The following KLF12 variants were observed in gnomAD, a reference collection of about 807,000 sequenced individuals.
The protein encoded by KLF12 is KLF transcription factor 12, also known as Krueppel-like factor 12.
KLF12 carries 9 observed loss-of-function variants against 37.8 expected under a neutral mutation model. The ratio of observed to expected loss-of-function variants is 0.24; its 90% CI spans 0.14 to 0.42. The LOEUF (loss-of-function observed/expected upper bound fraction) is 0.42. Among genes scored for constraint, KLF12 ranks in the 10% least tolerant of loss-of-function variants. KLF12 has a pLI of 1.00. For synonymous variants in KLF12, 208 were observed against 202.1 expected (o/e 1.03, Z -0.25); for missense variants, 411 against 516.0 (o/e 0.80, Z 1.97).
chr13:74,019,785 T>C (rs1173206932), intron 1 of KLF12, among the ~76,000 whole-genome samples: 2 of 152,226 alleles, frequency 1.3e-5, no homozygotes, highest in Non-Finnish European at 1.5e-5. Flanking sequence ...AGCCCCCTGG[T>C]CTTTTCTTTC....
the KLF12 span, among the ~76,000 whole-genome samples, chr13:74,189,078 T>C: frequency 6.6e-6 from 1 of 152,158 alleles, no homozygotes; most frequent in Non-Finnish European, 1.5e-5. Flanking sequence ...CTCCTGTGCC[T>C]CATGAATATG....
chr13:74,051,736 A>T (rs1439668770), intron 1 of KLF12, among the ~76,000 whole-genome samples: 1 of 152,202 alleles, frequency 6.6e-6, no homozygotes, highest in Non-Finnish European at 1.5e-5. Flanking sequence ...TCAAGTAAAA[A>T]GGAAAGGGAA....
chr13:73,797,411 C>G (rs1387800209), intron 5 of KLF12, among the ~76,000 whole-genome samples: 1 of 152,162 alleles, frequency 6.6e-6, no homozygotes, highest in South Asian at 2.1e-4. Flanking sequence ...ACTATCAATT[C>G]TTCCTTTAAA....
intron 3 of KLF12, among the ~76,000 whole-genome samples, chr13:73,858,894 T>C (rs1194910233): frequency 6.6e-6 from 1 of 152,182 alleles, no homozygotes; most frequent in South Asian, 2.1e-4. Context: ...ACTGAAAAAG[T>C]AAATGTTCAA....
chr13:73,827,961 T>C (rs1883940854), intron 4 of KLF12, among the ~76,000 whole-genome samples: 1 of 152,216 alleles, frequency 6.6e-6, no homozygotes, highest in Admixed American at 6.5e-5. Flanking sequence ...TTCTAAGCTC[T>C]CCTTTCCTTT....
the KLF12 span, among the ~76,000 whole-genome samples, chr13:74,199,089 C>T: frequency 2.0e-5 from 3 of 152,228 alleles, no homozygotes; most frequent in African/African-American, 7.2e-5. Context: ...TTCATTCTCA[C>T]AGGACAGCCA....
chr13:74,295,154 G>A, the KLF12 span, among the ~76,000 whole-genome samples: 4 of 152,194 alleles, frequency 2.6e-5, no homozygotes, highest in African/African-American at 4.8e-5. Flanking sequence ...TGATTTAGAT[G>A]GAGGACTGTA....
At chr13:74,055,789 T>C (rs1482178009) in intron 1 of KLF12, among the ~76,000 whole-genome samples, 1 of 151,984 alleles carries the variant, frequency 6.6e-6, no homozygotes, top group Non-Finnish European at 1.5e-5. Flanking sequence ...TAGCAGCAGG[T>C]GGACAATAAG....
chr13:74,294,136 T>C, the KLF12 span, among the ~76,000 whole-genome samples: 1 of 152,240 alleles, frequency 6.6e-6, no homozygotes, highest in African/African-American at 2.4e-5. Flanking sequence ...GGTGAAGCCA[T>C]GTGCTGGTCT....
chr13:73,686,538 T>TA lies in KLF12; in HGVS notation c.*8951dup, dbSNP rs371560072. 5.3e-4 allele frequency: 81 copies of TA among 152,752 alleles called. No individual in the cohort carries two copies. The highest frequency in any genetic ancestry group is 6.8e-4 in the Non-Finnish European group (46 of 68,018). The allele number at this position is 152,752 out of a possible 1,614,324, so 9.5% of individuals were successfully genotyped here. A position where few individuals can be genotyped will look rare whatever the true frequency, so the allele number is the denominator to read the frequency against. ...ACTATTGGGAAATTAGGTCTTTAGA[T>TA]AAACTGGAGAAATAAATTCATTTGC... On this transcript the variant is annotated 3_prime_UTR_variant, in exon 8 of 8. Transcript: ENST00000377669.
At chr13:74,294,360 C>CA in the KLF12 span, among the ~76,000 whole-genome samples, 2 of 151,986 alleles carry the variant, frequency 1.3e-5, no homozygotes, top group African/African-American at 2.4e-5. Context: ...TCTAATCCCC[C>CA]AAATTAATAA....
intron 1 of KLF12, among the ~76,000 whole-genome samples, chr13:74,073,399 C>CT (rs1874388871): frequency 6.6e-6 from 1 of 152,144 alleles, no homozygotes; most frequent in Admixed American, 6.5e-5. Flanking sequence ...GTAAATCTCT[C>CT]TAAGACTTTT....
rs1873769042 is a variant in KLF12 at position 73,690,680 on chromosome 13, G to GTGAAGTTATACAAGGCATACAT, written c.*4809_*4810insATGTATGCCTTGTATAACTTCA. On this transcript the variant is annotated 3_prime_UTR_variant, in exon 8 of 8. Coordinates refer to ENST00000377669, the MANE Select transcript of KLF12 (RefSeq NM_007249.5). ...AGTTCCCATGGCAATTTCACTCATT[G>GTGAAGTTATACAAGGCATACAT]TGTGTAAGATATACAAGGCATATCT... 1 of 152,252 alleles carries GTGAAGTTATACAAGGCATACAT rather than the reference G, an allele frequency of 6.6e-6. No individual in the cohort carries two copies. Among genetic ancestry groups the GTGAAGTTATACAAGGCATACAT allele is most frequent in the South Asian group, 2.1e-4 (1 of 4,834 alleles). 9.4% of individuals were successfully genotyped at this position (152,252 alleles called of 1,614,324 possible).
intron 4 of KLF12, among the ~76,000 whole-genome samples, chr13:73,825,879 C>T (rs959080071): frequency 1.3e-5 from 2 of 152,188 alleles, no homozygotes; most frequent in Non-Finnish European, 2.9e-5. Flanking sequence ...TACACCCCAA[C>T]CAAACCCATC....
At chr13:74,277,489 A>G in the KLF12 span, among the ~76,000 whole-genome samples, 1 of 152,200 alleles carries the variant, frequency 6.6e-6, no homozygotes, top group African/African-American at 2.4e-5. Flanking sequence ...AATAGACTAG[A>G]TACTCAGAAT....
At chr13:73,965,463 C>T (rs1335573383) in intron 2 of KLF12, among the ~76,000 whole-genome samples, 2 of 152,078 alleles carry the variant, frequency 1.3e-5, no homozygotes, top group East Asian at 3.9e-4. Context: ...TACCTCTGTA[C>T]AGTCCTCTAC....
At chr13:73,912,756 A>ACACACCAGAGTTC (rs1888631568) in intron 3 of KLF12, among the ~76,000 whole-genome samples, 2 of 152,338 alleles carry the variant, frequency 1.3e-5, no homozygotes, top group East Asian at 3.9e-4. Context: ...AAGCTTATAC[A>ACACACCAGAGTTC]TAGGCTAACT....
intron 4 of KLF12, among the ~76,000 whole-genome samples, chr13:73,829,920 C>T (rs1204194057): frequency 6.6e-6 from 1 of 152,126 alleles, no homozygotes; most frequent in Non-Finnish European, 1.5e-5. Context: ...ATGGACAAAA[C>T]TGTAATCCTC....
intron 1 of KLF12, among the ~76,000 whole-genome samples, chr13:74,100,588 G>A (rs762894455): frequency 1.1e-4 from 16 of 151,978 alleles, no homozygotes; most frequent in Non-Finnish European, 1.5e-4. Flanking sequence ...CTGCACTCCA[G>A]CCAGGGTGAC....
Sources: gnomAD v4.1 joint callset for allele counts (sites outside exome capture counted in the v4.1 genomes callset) on GRCh38, gnomAD v4.1.1 for gene constraint, MANE v1.5 for transcripts, NCBI Gene and HGNC (gene_info 2026-07-23, HGNC 2026-07-21) for gene names.